PTPRG: variants seen among roughly 807,000 people sequenced by gnomAD.
PTPRG encodes receptor-type tyrosine-protein phosphatase gamma.
A neutral mutation model predicts 165.3 loss-of-function variants in PTPRG; 102 were observed. The observed-to-expected ratio is 0.62, with a 90% CI of 0.53 to 0.73. The LOEUF is 0.73. Among genes scored for constraint, PTPRG ranks in the 30% least tolerant of loss-of-function variants. The pLI is 0.00. For synonymous variants in PTPRG, 675 were observed against 669.5 expected, an observed-to-expected ratio of 1.01 and a Z score of -0.13; for missense variants, 1,866 against 1,861.4, an observed-to-expected ratio of 1.00 and a Z score of -0.05.
rs556193072 is a variant in PTPRG at position 61,861,926 on chromosome 3, G to A, written c.190+112944G>A. Among the ~76,000 whole-genome samples, 4 of 152,278 alleles carry A rather than the reference G, an allele frequency of 2.6e-5. No homozygotes were observed. In the East Asian group the frequency reaches 7.7e-4, roughly 29 times the overall value. ...ATTAGATTGAAAGAACCTTATGGGG[G>A]CAGAATTAAGATATGACACAAGCAG... On this transcript the variant is annotated intron_variant, in intron 2 of 29. Coordinates refer to ENST00000474889, the MANE Select transcript of PTPRG (RefSeq NM_002841.4).
chr3:61,887,139 TATATATATATATATATATATATATATATA>T (rs2038065055), intron 2 of PTPRG, among the ~76,000 whole-genome samples: 1 of 51,882 alleles, frequency 1.9e-5, no homozygotes, highest in East Asian at 4.9e-4. Flanking sequence ...TATATATATA[TATATATATATATATATATATATATATATA>T]TATTTTTAAT....
chr3:61,881,519 G>A (rs1041544860), intron 2 of PTPRG, among the ~76,000 whole-genome samples: 4 of 152,262 alleles, frequency 2.6e-5, no homozygotes, highest in African/African-American at 2.4e-5. Flanking sequence ...CCATTTCACC[G>A]TCACTGCATG....
At chr3:61,980,913 G>C (rs1187217771) in intron 2 of PTPRG, among the ~76,000 whole-genome samples, 2 of 152,086 alleles carry the variant, frequency 1.3e-5, no homozygotes. Context: ...TCCCCTACAG[G>C]CTCTGAACAA....
At chr3:62,175,901 A>G (rs1705404665) in intron 8 of PTPRG, among the ~76,000 whole-genome samples, 1 of 152,194 alleles carries the variant, frequency 6.6e-6, no homozygotes, top group East Asian at 1.9e-4. Context: ...AGCGAGGTAA[A>G]CAAAGGGGGA....
At chr3:61,591,889 A>C (rs1343944263) in intron 1 of PTPRG, among the ~76,000 whole-genome samples, 3 of 152,146 alleles carry the variant, frequency 2.0e-5, no homozygotes, top group Non-Finnish European at 4.4e-5. Flanking sequence ...TTCCCCAAGG[A>C]TCCTTAAGAA....
intron 6 of PTPRG, among the ~76,000 whole-genome samples, chr3:62,155,259 C>T (rs1377059480): frequency 6.6e-6 from 1 of 152,180 alleles, no homozygotes; most frequent in Non-Finnish European, 1.5e-5. Context: ...GGTTTCTGAG[C>T]CTCACGAATA....
At chr3:61,887,144 A>G (rs1448939877) in intron 2 of PTPRG, among the ~76,000 whole-genome samples, 1 of 55,960 alleles carries the variant, frequency 1.8e-5, no homozygotes, top group Admixed American at 2.0e-4. Context: ...ATATATATAT[A>G]TATATATATA....
At chr3:62,169,025 C>T (rs1179015340) in intron 8 of PTPRG, among the ~76,000 whole-genome samples, 1 of 152,190 alleles carries the variant, frequency 6.6e-6, no homozygotes, top group Non-Finnish European at 1.5e-5. Context: ...CTTCTCTTCT[C>T]CCTGCCACGC....
At chr3:61,645,540 C>T (rs1266504331) in intron 1 of PTPRG, among the ~76,000 whole-genome samples, 1 of 152,188 alleles carries the variant, frequency 6.6e-6, no homozygotes, top group African/African-American at 2.4e-5. Context: ...TTGCCAGTTG[C>T]TACAACATCC....
intron 5 of PTPRG, among the ~76,000 whole-genome samples, chr3:62,100,634 T>G (rs1185397152): frequency 6.6e-6 from 1 of 152,196 alleles, no homozygotes; most frequent in Non-Finnish European, 1.5e-5. Flanking sequence ...CACACAGGAA[T>G]GTATGATTTG....
At chr3:62,110,089 C>CTT (rs371457716) in intron 5 of PTPRG, among the ~76,000 whole-genome samples, 19,160 of 79,522 alleles carry the variant, frequency 0.24, 2,807 homozygotes, top group Non-Finnish European at 0.26. Context: ...GAAATAATGG[C>CTT]TTTTTTTTTT....
At chr3:61,746,923 T>A (rs1490436863) in intron 1 of PTPRG, among the ~76,000 whole-genome samples, 1 of 152,080 alleles carries the variant, frequency 6.6e-6, no homozygotes, top group Non-Finnish European at 1.5e-5. Flanking sequence ...GAGGACCAGG[T>A]GAGAAGATTG....
intron 2 of PTPRG, among the ~76,000 whole-genome samples, chr3:61,934,121 G>C (rs932385698): frequency 9.2e-5 from 14 of 152,208 alleles, no homozygotes; most frequent in Admixed American, 7.2e-4. Flanking sequence ...GTGTGGGGAT[G>C]TGTATTCTAA....
chr3:61,906,416 A>G (rs2038655361), intron 2 of PTPRG, among the ~76,000 whole-genome samples: 1 of 151,654 alleles, frequency 6.6e-6, no homozygotes, highest in South Asian at 2.1e-4. Flanking sequence ...AGATCATGCC[A>G]TTGCATTCCA....
At chr3:61,868,278 A>G (rs978825131) in intron 2 of PTPRG, among the ~76,000 whole-genome samples, 6 of 152,196 alleles carry the variant, frequency 3.9e-5, no homozygotes, top group African/African-American at 7.2e-5. Context: ...AGTTTCAGGT[A>G]TCTTTTCTGT....
chr3:61,845,650 A>G (rs192570742), intron 2 of PTPRG, among the ~76,000 whole-genome samples: 1 of 152,302 alleles, frequency 6.6e-6, no homozygotes, highest in Non-Finnish European at 1.5e-5. Flanking sequence ...GAAAAAAGGA[A>G]GCTCTCTTTG....
At chr3:62,063,501 T>A (rs1454599951) in intron 4 of PTPRG, among the ~76,000 whole-genome samples, 1 of 152,232 alleles carries the variant, frequency 6.6e-6, no homozygotes, top group African/African-American at 2.4e-5. Context: ...GAGTTAATAT[T>A]AATACTTTGT....
At chr3:61,573,510 T>G (rs1700107485) in intron 1 of PTPRG, among the ~76,000 whole-genome samples, 1 of 152,202 alleles carries the variant, frequency 6.6e-6, no homozygotes. Flanking sequence ...GATGGAAGAT[T>G]TGAGGGGATG....
intron 2 of PTPRG, among the ~76,000 whole-genome samples, chr3:61,974,097 G>A (rs530529329): frequency 4.6e-5 from 7 of 152,186 alleles, no homozygotes; most frequent in African/African-American, 1.4e-4. Flanking sequence ...ACAAGTTACT[G>A]TGATGCCTCA....
Sources: gnomAD v4.1 joint callset for allele counts (sites outside exome capture counted in the v4.1 genomes callset) on GRCh38, gnomAD v4.1.1 for gene constraint, MANE v1.5 for transcripts, NCBI Gene and HGNC (gene_info 2026-07-23, HGNC 2026-07-21) for gene names.